Variants in IGF2BP2 observed in about 807,000 individuals in gnomAD.
IGF2BP2 encodes the protein insulin like growth factor 2 mRNA binding protein 2.
In IGF2BP2, 17 loss-of-function variants were observed where a neutral mutation model predicts 75.8. That is an observed-to-expected ratio of 0.22 (90% CI 0.15 to 0.34). The LOEUF is 0.34. Among genes scored for constraint, IGF2BP2 ranks in the 10% least tolerant of loss-of-function variants. The pLI is 1.00. For synonymous variants in IGF2BP2, 288 were observed against 295.6 expected (o/e 0.97, Z 0.26); for missense variants, 516 against 772.4 (o/e 0.67, Z 3.93).
At chr3:185,670,085 C>T (rs372247237) in intron 10 of IGF2BP2, among the ~76,000 whole-genome samples, 2 of 152,224 alleles carry the variant, frequency 1.3e-5, no homozygotes, top group East Asian at 1.9e-4. Flanking sequence ...TAATATTGAC[C>T]CATGGAATCA....
chr3:185,808,758 G>A (rs1739399096), intron 2 of IGF2BP2, among the ~76,000 whole-genome samples: 1 of 150,898 alleles, frequency 6.6e-6, no homozygotes, highest in Non-Finnish European at 1.5e-5. Flanking sequence ...AGTAGAGATG[G>A]GGTTTTGCCA....
intron 2 of IGF2BP2, among the ~76,000 whole-genome samples, chr3:185,721,327 G>A (rs1045828819): frequency 3.3e-5 from 5 of 151,920 alleles, no homozygotes; most frequent in Admixed American, 2.0e-4. Flanking sequence ...TCAGCCTCCC[G>A]AGTAGCTGAG....
intron 9 of IGF2BP2, among the ~76,000 whole-genome samples, chr3:185,674,421 T>C (rs554036419): frequency 3.3e-4 from 50 of 152,250 alleles, no homozygotes; most frequent in African/African-American, 1.2e-3. Flanking sequence ...GCTGGACTTT[T>C]GCTGATGGCC....
At chr3:185,728,786 C>T (rs897644086) in intron 2 of IGF2BP2, 6 of 152,286 alleles carry the variant, frequency 3.9e-5, no homozygotes, top group African/African-American at 1.2e-4. Context: ...AACCCCGAGT[C>T]ATGCTCTTAA....
intron 2 of IGF2BP2, among the ~76,000 whole-genome samples, chr3:185,737,239 G>A (rs752064589): frequency 2.6e-5 from 4 of 152,006 alleles, no homozygotes; most frequent in Non-Finnish European, 5.9e-5. Flanking sequence ...TTCCAGCAGC[G>A]TTGGCTCCTC....
intron 2 of IGF2BP2, among the ~76,000 whole-genome samples, chr3:185,798,422 T>C (rs1286995669): frequency 6.6e-6 from 1 of 152,224 alleles, no homozygotes; most frequent in Admixed American, 6.5e-5. Flanking sequence ...ATAGTGTTAA[T>C]ATTTATTACA....
chr3:185,708,129 T>C (rs558466152), intron 2 of IGF2BP2, among the ~76,000 whole-genome samples: 1 of 152,324 alleles, frequency 6.6e-6, no homozygotes, highest in African/African-American at 2.4e-5. Context: ...AGAAATACAC[T>C]GAGGAGCTGA....
chr3:185,791,617 C>G (rs998982784), intron 2 of IGF2BP2, among the ~76,000 whole-genome samples: 4 of 152,226 alleles, frequency 2.6e-5, no homozygotes, highest in African/African-American at 9.6e-5. Flanking sequence ...TCACAGTGAG[C>G]TGACATCACC....
chr3:185,730,396 C>T (rs964394333), intron 2 of IGF2BP2, among the ~76,000 whole-genome samples: 3 of 149,514 alleles, frequency 2.0e-5, no homozygotes, highest in Admixed American at 6.7e-5. Flanking sequence ...CTATGGTGAA[C>T]GGTACGATGA....
intron 2 of IGF2BP2, among the ~76,000 whole-genome samples, chr3:185,794,632 T>C (rs562289321): frequency 2.3e-5 from 3 of 128,666 alleles, no homozygotes; most frequent in Admixed American, 2.2e-4. Context: ...TATTTGGAGG[T>C]CACATCTTTT....
intron 10 of IGF2BP2, among the ~76,000 whole-genome samples, chr3:185,669,559 TA>T (rs1173087336): frequency 3.6e-3 from 148 of 41,416 alleles, no homozygotes; most frequent in African/African-American, 5.4e-3. Flanking sequence ...AGAAAAACAG[TA>T]AAAAAAAAAA....
chr3:185,743,642 C>T (rs575617477), intron 2 of IGF2BP2, among the ~76,000 whole-genome samples: 3 of 152,312 alleles, frequency 2.0e-5, no homozygotes, highest in African/African-American at 7.2e-5. Context: ...TTTCATTCTG[C>T]ACTTGGTCCA....
intron 2 of IGF2BP2, among the ~76,000 whole-genome samples, chr3:185,774,047 G>GTTCTCTACCTCTCCTTAACACAGT (rs1299129203): frequency 6.6e-6 from 1 of 152,176 alleles, no homozygotes; most frequent in Non-Finnish European, 1.5e-5. Flanking sequence ...GCTGCCTGCT[G>GTTCTCTACCTCTCCTTAACACAGT]TTCTCTACCT....
chr3:185,812,596 C>T (rs577629691), intron 2 of IGF2BP2, among the ~76,000 whole-genome samples: 1 of 152,292 alleles, frequency 6.6e-6, no homozygotes, highest in South Asian at 2.1e-4. Context: ...GAACTGAAGA[C>T]TCAGAATTAC....
At chr3:185,707,820 C>T (rs540819906) in intron 2 of IGF2BP2, among the ~76,000 whole-genome samples, 1 of 152,328 alleles carries the variant, frequency 6.6e-6, no homozygotes, top group East Asian at 1.9e-4. Context: ...TACCATCTCT[C>T]CCTTCCACCA....
chr3:185,677,068 T>TATATATATAGAGAGAGAGAGAGAG, intron 7 of IGF2BP2, among the ~76,000 whole-genome samples: 19 of 35,860 alleles, frequency 5.3e-4, no homozygotes, highest in Admixed American at 6.7e-4. Context: ...TATATATATA[T>TATATATATAGAGAGAGAGAGAGAG]AGAGAGAGAG....
rs1712979494 is a variant in IGF2BP2, at chr3:185,643,449, TG to T, written c.*2081del. Among the ~76,000 whole-genome samples the T allele has an allele frequency of 6.6e-6, 1 of 152,242 alleles. No individual in the cohort carries two copies. The highest frequency in any genetic ancestry group is 2.4e-5 in the African/African-American group (1 of 41,468). The stretch of plus-strand genomic sequence containing the variant: ...CACCCAGAGGCCTTGCTGAAAAGGT[TG>T]CTGGGCCTCACCCCCAGGATTTCTG... On this transcript the variant is annotated 3_prime_UTR_variant, in exon 16 of 16. Transcript: ENST00000382199.
chr3:185,767,087 T>C (rs1733179122), intron 2 of IGF2BP2, among the ~76,000 whole-genome samples: 1 of 152,136 alleles, frequency 6.6e-6, no homozygotes, highest in African/African-American at 2.4e-5. Flanking sequence ...GTGGACCCAG[T>C]GGCTTCCCAA....
intron 2 of IGF2BP2, among the ~76,000 whole-genome samples, chr3:185,813,530 G>C (rs988706130): frequency 6.6e-6 from 1 of 152,152 alleles, no homozygotes; most frequent in African/African-American, 2.4e-5. Flanking sequence ...GATTATTTAT[G>C]TATCCACAAC....
Sources: gnomAD v4.1 joint callset for allele counts (sites outside exome capture counted in the v4.1 genomes callset) on GRCh38, gnomAD v4.1.1 for gene constraint, MANE v1.5 for transcripts, NCBI Gene and HGNC (gene_info 2026-07-23, HGNC 2026-07-21) for gene names.